Variants in TGFBR3 observed in about 807,000 individuals in gnomAD.
The protein encoded by TGFBR3 is transforming growth factor beta receptor 3, also known as transforming growth factor beta receptor type 3.
TGFBR3 carries 46 observed loss-of-function variants against 87.9 expected under a neutral mutation model. The observed-to-expected ratio is 0.52, with a 90% CI of 0.41 to 0.67. The LOEUF (loss-of-function observed/expected upper bound fraction) is 0.67. Among genes scored for constraint, TGFBR3 ranks in the 30% least tolerant of loss-of-function variants. The pLI is 0.00. For missense variants in TGFBR3, 866 were observed against 1,041.9 expected, an observed-to-expected ratio of 0.83 and a Z score of 2.32; for synonymous variants, 381 against 391.6, an observed-to-expected ratio of 0.97 and a Z score of 0.32.
chr1:91,702,665 A>G (rs1671661540), intron 14 of TGFBR3, among the ~76,000 whole-genome samples: 1 of 152,188 alleles, frequency 6.6e-6, no homozygotes, highest in Admixed American at 6.5e-5. Flanking sequence ...AAGTGATAAA[A>G]CAAGATTCAC....
At position 91,766,884 on chromosome 1, in the gene TGFBR3, AAC is replaced by A. The variant is rs1252507659; in HGVS notation, c.247-8136_247-8135del. ...AAAGGAACCACCAAATCAGCATGAG[AAC>A]ACAGTTTCTTCATCCCCCTGTCCCA... On this transcript the variant is annotated intron_variant, in intron 3 of 16. Transcript: ENST00000212355. 3.7e-5 allele frequency among the ~76,000 whole-genome samples: 5 copies of A among 133,392 alleles called. 2 individuals carry two copies. Among genetic ancestry groups the A allele is most frequent in the Non-Finnish European group, 8.2e-5 (5 of 60,860 alleles). 87.5% of individuals were successfully genotyped at this position (133,392 alleles called of 152,430 possible).
intron 3 of TGFBR3, among the ~76,000 whole-genome samples, chr1:91,796,277 C>T (rs1018381811): frequency 6.6e-6 from 1 of 152,130 alleles, no homozygotes; most frequent in East Asian, 1.9e-4. Flanking sequence ...GGAAAGAGGA[C>T]GCCATTTCTC....
chr1:91,901,034 G>T (rs1679708435), intron 1 of TGFBR3, among the ~76,000 whole-genome samples: 2 of 152,058 alleles, frequency 1.3e-5, no homozygotes, highest in African/African-American at 4.8e-5. Context: ...CTTCTCATAT[G>T]GTAATTCTAT....
chr1:91,727,293 CT>C (rs889642455), intron 7 of TGFBR3, among the ~76,000 whole-genome samples: 3 of 152,190 alleles, frequency 2.0e-5, no homozygotes, highest in African/African-American at 7.2e-5. Context: ...CACTGAGGTC[CT>C]TGTGGGATGC....
chr1:91,795,285 T>C lies in TGFBR3; in HGVS notation c.246+2002A>G, dbSNP rs562821933. Among the ~76,000 whole-genome samples, 11 of 152,344 alleles carry C rather than the reference T, an allele frequency of 7.2e-5. No homozygotes were observed. The East Asian group carries it at 7.7e-4, about 11-fold the overall frequency. On this transcript the variant is annotated intron_variant, in intron 3 of 16. Coordinates refer to ENST00000212355, the MANE Select transcript of TGFBR3 (RefSeq NM_003243.5). ...CACTGGCCCAAAATCATACATATAC[T>C]ATACTAATATCGAAAGAGAATAATG...
intron 3 of TGFBR3, chr1:91,786,362 G>GTTTT (rs1674960295): frequency 4.9e-6 from 2 of 404,874 alleles, no homozygotes; most frequent in Admixed American, 6.1e-5. Context: ...CAGTTAAGGA[G>GTTTT]GCTCCAGGGT....
chr1:91,861,732 C>T (rs565824545), intron 1 of TGFBR3, 88 bp from the exon 2 acceptor site: 4 of 615,794 alleles, frequency 6.5e-6, no homozygotes, highest in East Asian at 3.0e-5. Context: ...TTCTGAAAAG[C>T]GTAATGTAAG....
chr1:91,900,497 C>T (rs1279050474), intron 1 of TGFBR3, among the ~76,000 whole-genome samples: 2 of 152,210 alleles, frequency 1.3e-5, no homozygotes, highest in African/African-American at 4.8e-5. Context: ...ACAACAGTAA[C>T]ACTTAAAATC....
intron 14 of TGFBR3, among the ~76,000 whole-genome samples, chr1:91,702,329 C>T (rs1278645114): frequency 1.3e-5 from 2 of 152,116 alleles, no homozygotes; most frequent in Admixed American, 6.6e-5. Flanking sequence ...GCAACCTTCA[C>T]ACCATTTTCA....
chr1:91,875,328 C>G (rs1678740633), intron 1 of TGFBR3, among the ~76,000 whole-genome samples: 1 of 152,042 alleles, frequency 6.6e-6, no homozygotes. Flanking sequence ...GAAGGTGACA[C>G]TGTGGAGGCT....
chr1:91,759,560 C>T (rs1386175524), intron 3 of TGFBR3, among the ~76,000 whole-genome samples: 1 of 152,080 alleles, frequency 6.6e-6, no homozygotes, highest in Admixed American at 6.5e-5. Context: ...CCTCTTGGCA[C>T]ACATGAGCCC....
intron 14 of TGFBR3, among the ~76,000 whole-genome samples, chr1:91,702,407 G>A (rs944827242): frequency 3.9e-5 from 6 of 152,042 alleles, no homozygotes; most frequent in African/African-American, 1.4e-4. Flanking sequence ...AGCACTTTGG[G>A]AGGCCGAGAC....
rs190935200 is a variant in TGFBR3, at chr1:91,687,656, A to C, written c.2438-3799T>G. 2.6e-5 allele frequency among the ~76,000 whole-genome samples: 4 copies of C among 152,196 alleles called. 1 individual carries two copies. Among genetic ancestry groups the C allele is most frequent in the Admixed American group, 1.3e-4 (2 of 15,292 alleles). On this transcript the variant is annotated intron_variant, in intron 16 of 16. Transcript: ENST00000212355. ...AATACTCTCCATGAGGATTATTACA[A>C]ATAGGAGCAGACAGCTGTTCTTTAT...
At chr1:91,762,292 G>A (rs2100906234) in intron 3 of TGFBR3, among the ~76,000 whole-genome samples, 1 of 152,226 alleles carries the variant, frequency 6.6e-6, no homozygotes, top group African/African-American at 2.4e-5. Context: ...AACTTTTGCA[G>A]ACAATGTCAG....
chr1:91,702,463 T>C (rs896196949), intron 14 of TGFBR3, among the ~76,000 whole-genome samples: 1 of 150,746 alleles, frequency 6.6e-6, no homozygotes, highest in Non-Finnish European at 1.5e-5. Context: ...TGGCTAACAC[T>C]GTGAAACCCC....
At chr1:91,746,251 T>A (rs1407933133) in intron 4 of TGFBR3, among the ~76,000 whole-genome samples, 2 of 152,122 alleles carry the variant, frequency 1.3e-5, no homozygotes, top group Admixed American at 6.5e-5. Context: ...TGAGTGTGTA[T>A]ATACACAAAG....
chr1:91,897,075 A>G (rs1227811012), intron 2 of TGFBR3, among the ~76,000 whole-genome samples: 1 of 152,188 alleles, frequency 6.6e-6, no homozygotes, highest in Non-Finnish European at 1.5e-5. Context: ...AGTGCTGCTG[A>G]GTACACTTAT....
chr1:91,752,391 A>G (rs1421363601), intron 4 of TGFBR3, among the ~76,000 whole-genome samples: 1 of 152,080 alleles, frequency 6.6e-6, no homozygotes, highest in Non-Finnish European at 1.5e-5. Flanking sequence ...TCAAACATAC[A>G]CACATTCACA....
At chr1:91,807,309 G>GA (rs1557721339) in intron 2 of TGFBR3, among the ~76,000 whole-genome samples, 2 of 152,096 alleles carry the variant, frequency 1.3e-5, no homozygotes, top group African/African-American at 4.8e-5. Flanking sequence ...TTCTCAGGGG[G>GA]AAAAAAACTA....
Sources: allele counts gnomAD v4.1 joint callset (sites outside exome capture counted in the v4.1 genomes callset), GRCh38; gene constraint gnomAD v4.1.1; transcripts MANE v1.5; gene names NCBI Gene and HGNC (gene_info 2026-07-23, HGNC 2026-07-21).